TTC27: variants seen among roughly 807,000 people sequenced by gnomAD.
TTC27 encodes tetratricopeptide repeat protein 27.
Under a neutral mutation model 115.9 loss-of-function variants are expected in TTC27, and 79 were observed. The observed-to-expected ratio is 0.68, with a 90% confidence interval of 0.57 to 0.82. The LOEUF is 0.82. TTC27 is among the 40% of genes least tolerant of loss of function. TTC27 has a pLI of 0.00. For synonymous variants in TTC27, 401 were observed against 356.0 expected, an observed-to-expected ratio of 1.13 and a Z score of -1.42; for missense variants, 1,054 against 993.1, an observed-to-expected ratio of 1.06 and a Z score of -0.82.
In TTC27 at chr2:32,817,444, A is replaced by T. The variant is rs143991598; in HGVS notation, c.2309-13A>T. 4 of 1,606,344 alleles carry T rather than the reference A, an allele frequency of 2.5e-6. No homozygotes were observed. Among genetic ancestry groups the T allele is most frequent in the East Asian group, 2.2e-5 (1 of 44,796 alleles). On this transcript the variant is annotated splice_polypyrimidine_tract_variant and intron_variant, in intron 18 of 19. Transcript: ENST00000317907. ...CTTTTTAATGGATGTTTCTCTCCAT[A>T]CTTATCTTCCAGTGGCCATAAAATG...
At chr2:32,780,187 A>G (rs1218118051) in intron 14 of TTC27, 1 of 407,498 alleles carries the variant, frequency 2.5e-6, no homozygotes, top group African/African-American at 2.0e-5. Context: ...TTCCTATGGG[A>G]TTTTTAGCTT....
At chr2:32,739,535 T>C in intron 12 of TTC27, among the ~76,000 whole-genome samples, 1 of 152,164 alleles carries the variant, frequency 6.6e-6, no homozygotes, top group Non-Finnish European at 1.5e-5. Context: ...TGACAAATGC[T>C]TCTGTTTCTA....
rs1559177231 is a variant in TTC27, at chr2:32,630,585, A to G, written c.151A>G (p.Met51Val). 12 of 1,613,386 alleles carry G rather than the reference A, an allele frequency of 7.4e-6. No individual in the cohort carries two copies. Among genetic ancestry groups the G allele is most frequent in the Non-Finnish European group, 1.0e-5 (12 of 1,179,618 alleles). The change falls in exon 2 of 20, where the codon ATG becomes GTG. Residue 51 changes from methionine to valine, a missense_variant. Coordinates refer to ENST00000317907, the MANE Select transcript of TTC27 (RefSeq NM_017735.5). ...GNYEAIFLNSMTQNIFNSTTT... is the reference protein window; with the variant it reads ...GNYEAIFLNSVTQNIFNSTTT... ...CTATGAAGCCATATTCTTAAATTCA[A>G]TGACTCAAAATATTTTTAATTCAAC... is the stretch of plus-strand genomic sequence containing the variant.
At chr2:32,760,163 C>G (rs1669386126) in intron 13 of TTC27, among the ~76,000 whole-genome samples, 1 of 152,188 alleles carries the variant, frequency 6.6e-6, no homozygotes. Context: ...TAATTGCTTA[C>G]TTTCCGAACT....
intron 8 of TTC27, 96 bp downstream of exon 8, chr2:32,672,480 G>A: frequency 2.3e-6 from 2 of 874,982 alleles, no homozygotes; most frequent in Non-Finnish European, 3.7e-6. Context: ...AAGAGTTCTG[G>A]ATGAATAGGG....
intron 9 of TTC27, among the ~76,000 whole-genome samples, chr2:32,692,968 T>C (rs932393077): frequency 6.7e-6 from 1 of 148,740 alleles, no homozygotes; most frequent in Non-Finnish European, 1.5e-5. Context: ...AGAGTGAGAC[T>C]CTGTCTCAAA....
chr2:32,679,579 T>C (rs1309497124), intron 9 of TTC27, among the ~76,000 whole-genome samples: 1 of 152,208 alleles, frequency 6.6e-6, no homozygotes, highest in Non-Finnish European at 1.5e-5. Flanking sequence ...TTAAGATATA[T>C]CATTTTTTCA....
At chr2:32,820,017 G>GAGC (rs1671629286) in intron 19 of TTC27, among the ~76,000 whole-genome samples, 1 of 152,200 alleles carries the variant, frequency 6.6e-6, no homozygotes. Flanking sequence ...GATGACATTG[G>GAGC]AGCAGTTCCT....
chr2:32,652,626 G>A (rs188234737), intron 5 of TTC27, among the ~76,000 whole-genome samples: 249 of 152,144 alleles, frequency 1.6e-3, no homozygotes, highest in Non-Finnish European at 2.2e-3. Context: ...CTAATCAACG[G>A]CACTTTTCAG....
chr2:32,648,281 C>T (rs1664944209), intron 4 of TTC27, among the ~76,000 whole-genome samples: 1 of 152,038 alleles, frequency 6.6e-6, no homozygotes, highest in Non-Finnish European at 1.5e-5. Context: ...GCGCATGCCA[C>T]CACACCTGGC....
At chr2:32,799,700 T>C (rs941570314) in intron 16 of TTC27, among the ~76,000 whole-genome samples, 1 of 152,180 alleles carries the variant, frequency 6.6e-6, no homozygotes, top group African/African-American at 2.4e-5. Context: ...CCTTATTATA[T>C]AAAGAGTTAA....
chr2:32,769,434 T>C (rs1448362458), intron 13 of TTC27, among the ~76,000 whole-genome samples: 3 of 152,206 alleles, frequency 2.0e-5, no homozygotes, highest in Non-Finnish European at 4.4e-5. Flanking sequence ...CTATAGACTG[T>C]TCCTTTTAGG....
At chr2:32,722,922 G>A (rs753648522) in intron 10 of TTC27, among the ~76,000 whole-genome samples, 26 of 152,262 alleles carry the variant, frequency 1.7e-4, no homozygotes, top group Admixed American at 5.9e-4. Flanking sequence ...TGCCAAGAGC[G>A]ACACTGATGG....
chr2:32,811,742 G>A (rs1373452372), intron 17 of TTC27, among the ~76,000 whole-genome samples: 1 of 152,222 alleles, frequency 6.6e-6, no homozygotes, highest in African/African-American at 2.4e-5. Flanking sequence ...TTCCACTCAA[G>A]TTATGCCTTT....
At chr2:32,637,849 C>T (rs932025091) in intron 3 of TTC27, among the ~76,000 whole-genome samples, 16 of 152,274 alleles carry the variant, frequency 1.1e-4, no homozygotes, top group African/African-American at 3.6e-4. Context: ...TCACAGAATA[C>T]CTCATTTCCT....
intron 9 of TTC27, among the ~76,000 whole-genome samples, chr2:32,697,403 A>G (rs1392011620): frequency 6.6e-6 from 1 of 152,188 alleles, no homozygotes; most frequent in Non-Finnish European, 1.5e-5. Flanking sequence ...ATCTTCTTTT[A>G]TCTTTACCAA....
intron 5 of TTC27, among the ~76,000 whole-genome samples, chr2:32,657,330 GA>G (rs1559190692): frequency 6.6e-6 from 1 of 150,500 alleles, no homozygotes; most frequent in African/African-American, 2.4e-5. Context: ...CTCTTAAATG[GA>G]CCGTAGAAAA....
intron 16 of TTC27, among the ~76,000 whole-genome samples, chr2:32,798,183 G>A (rs1670777080): frequency 1.3e-5 from 2 of 151,398 alleles, no homozygotes; most frequent in East Asian, 3.9e-4. Context: ...AAGGCGGGCA[G>A]ATCATGAGGT....
intron 16 of TTC27, among the ~76,000 whole-genome samples, chr2:32,806,827 G>A (rs1472423807): frequency 1.3e-5 from 2 of 151,828 alleles, no homozygotes; most frequent in African/African-American, 2.4e-5. Context: ...TTTTAAGATT[G>A]AATATTAGCT....
Sources: allele counts gnomAD v4.1 joint callset (sites outside exome capture counted in the v4.1 genomes callset), GRCh38; gene constraint gnomAD v4.1.1; transcripts MANE v1.5; gene names NCBI Gene and HGNC (gene_info 2026-07-23, HGNC 2026-07-21).